Variants in BNC2 observed in about 807,000 individuals in gnomAD.
BNC2 encodes the protein basonuclin zinc finger protein 2.
Under a neutral mutation model 76.3 loss-of-function variants are expected in BNC2, and 20 were observed. The ratio of observed to expected loss-of-function variants is 0.26; its 90% CI spans 0.18 to 0.38. BNC2 has a LOEUF of 0.38. Ranked by LOEUF, BNC2 falls within the 10% of genes least tolerant of loss-of-function variation. The probability of loss-of-function intolerance (pLI) is 1.00; values close to 1 mark genes in which losing one functional copy is unlikely to be tolerated. For synonymous variants in BNC2, 582 were observed against 514.8 expected (o/e 1.13, Z -1.77); for missense variants, 1,382 against 1,399.8 (o/e 0.99, Z 0.20).
rs1205074714 is a variant in BNC2, at chr9:16,552,131, T to C, written c.669+399A>G. On this transcript the variant is annotated intron_variant, in intron 5 of 6. Transcript: ENST00000380672. ...CAAGAAAAACACCGTACCTGCAAAC[T>C]GAGTATGAGAAAAAGCCCTAATAAA... Among the ~76,000 whole-genome samples, 9 of 152,090 alleles carry C rather than the reference T, an allele frequency of 5.9e-5. 1 individual carries two copies. The South Asian group carries it at 1.5e-3, about 25-fold the overall frequency.
At chr9:16,613,694 C>G (rs1359781475) in intron 3 of BNC2, among the ~76,000 whole-genome samples, 1 of 152,176 alleles carries the variant, frequency 6.6e-6, no homozygotes, top group Non-Finnish European at 1.5e-5. Flanking sequence ...TTGGGCGCCC[C>G]TGCATCCTTG....
chr9:16,422,215 C>T (rs1384118371), intron 6 of BNC2, among the ~76,000 whole-genome samples: 1 of 152,140 alleles, frequency 6.6e-6, no homozygotes, highest in East Asian at 1.9e-4. Context: ...ATGTACCAGC[C>T]CTCAATATCT....
chr9:16,510,888 C>G (rs775981001), intron 5 of BNC2, among the ~76,000 whole-genome samples: 1 of 152,270 alleles, frequency 6.6e-6, no homozygotes, highest in Non-Finnish European at 1.5e-5. Context: ...CGAGATTTTA[C>G]ATGGGCAAAA....
intron 6 of BNC2, among the ~76,000 whole-genome samples, chr9:16,430,169 A>C (rs559789646): frequency 6.6e-6 from 1 of 151,922 alleles, no homozygotes; most frequent in South Asian, 2.1e-4. Context: ...ATCTTGCTCT[A>C]TTGTGAAACC....
At chr9:16,655,541 C>T (rs1298181977) in intron 3 of BNC2, among the ~76,000 whole-genome samples, 2 of 152,044 alleles carry the variant, frequency 1.3e-5, no homozygotes, top group Non-Finnish European at 2.9e-5. Flanking sequence ...CTATTTCATC[C>T]AGGAATAAAA....
intron 1 of BNC2, among the ~76,000 whole-genome samples, chr9:16,745,625 T>C (rs778430302): frequency 1.3e-5 from 2 of 152,214 alleles, no homozygotes; most frequent in African/African-American, 2.4e-5. Flanking sequence ...TTAGCATATA[T>C]GGAGAGTTCA....
In BNC2 at chr9:16,784,490, T is replaced by C. The variant is rs77705571; in HGVS notation, c.4-46005A>G. 5.5e-3 allele frequency among the ~76,000 whole-genome samples: 843 copies of C among 152,152 alleles called. 15 individuals carry two copies. Among genetic ancestry groups the C allele is most frequent in the African/African-American group, 0.019 (808 of 41,484 alleles). On this transcript the variant is annotated intron_variant, in intron 1 of 6. Transcript: ENST00000380672. ...AATAAGAGGTATTCCTGGGAAACAA[T>C]ATGGATAGGACACAATATCAAAAGA...
chr9:16,818,659 CT>C (rs1818242089), intron 1 of BNC2, among the ~76,000 whole-genome samples: 1 of 152,078 alleles, frequency 6.6e-6, no homozygotes. Context: ...CAGACTAGAT[CT>C]ATGAATTTTA....
intron 5 of BNC2, among the ~76,000 whole-genome samples, chr9:16,477,972 G>T (rs2131462763): frequency 6.6e-6 from 1 of 152,204 alleles, no homozygotes; most frequent in African/African-American, 2.4e-5. Flanking sequence ...CTTAGAAAAA[G>T]ACTTGAGCGG....
At chr9:16,864,678 G>T (rs906916044) in intron 1 of BNC2, among the ~76,000 whole-genome samples, 12 of 152,158 alleles carry the variant, frequency 7.9e-5, no homozygotes, top group Admixed American at 6.6e-4. Context: ...ACATGTCCTT[G>T]ACATGCACAG....
At chr9:16,473,150 T>C (rs973338521) in intron 5 of BNC2, 1 of 152,258 alleles carries the variant, frequency 6.6e-6, no homozygotes, top group Non-Finnish European at 1.5e-5. Flanking sequence ...AAATGGCACT[T>C]GTCACAGTGG....
At chr9:16,784,022 G>A (rs1284837780) in intron 1 of BNC2, among the ~76,000 whole-genome samples, 1 of 152,158 alleles carries the variant, frequency 6.6e-6, no homozygotes, top group Non-Finnish European at 1.5e-5. Context: ...GATTTTTCCA[G>A]TGAATTTGGG....
Position 16,419,477 on chromosome 9 carries a change from G to A in BNC2, c.2812C>T (p.Pro938Ser), listed in dbSNP as rs766109513. ...GLDVREDASS[P>S]AGTEDSHLNG... is the part of the protein sequence containing the mutation. ...AGGTGGGAGTCTTCAGTCCCTGCGG[G>A]AGAGGAGGCGTCTTCCCTGACATCG... Residue 938 changes from proline to serine, a missense_variant, in exon 7 of 7, where the codon CCC becomes TCC. Physicochemically the swap from Pro to Ser is moderately conservative, Grantham distance 74. Coordinates refer to ENST00000380672, the MANE Select transcript of BNC2 (RefSeq NM_017637.6). 6.2e-7 allele frequency: 1 copy of A among 1,614,108 alleles called. No homozygotes were observed. The highest frequency in any genetic ancestry group is 8.5e-7 in the Non-Finnish European group (1 of 1,180,000).
chr9:16,426,321 C>T (rs1820803256), intron 6 of BNC2, among the ~76,000 whole-genome samples: 1 of 140,974 alleles, frequency 7.1e-6, no homozygotes, highest in Non-Finnish European at 1.5e-5. Flanking sequence ...GCCACCATGC[C>T]CAGCTTTTTT....
At chr9:16,634,459 C>A (rs1376467482) in intron 3 of BNC2, among the ~76,000 whole-genome samples, 1 of 151,622 alleles carries the variant, frequency 6.6e-6, no homozygotes, top group Non-Finnish European at 1.5e-5. Context: ...TAAGAGTAAC[C>A]TCTTAGTCAC....
At chr9:16,780,243 A>AAAAAAAAAAC (rs1826103550) in intron 1 of BNC2, among the ~76,000 whole-genome samples, 1 of 111,214 alleles carries the variant, frequency 9.0e-6, no homozygotes, top group Admixed American at 9.9e-5. Context: ...TTCAAAAAAA[A>AAAAAAAAAAC]AAAAAAAAAA....
At chr9:16,579,431 C>T (rs988497444) in intron 4 of BNC2, among the ~76,000 whole-genome samples, 3 of 152,048 alleles carry the variant, frequency 2.0e-5, no homozygotes, top group South Asian at 2.1e-4. Flanking sequence ...CGAGAGCACA[C>T]GCAAACACAC....
At chr9:16,786,814 T>C (rs1004841725) in intron 1 of BNC2, among the ~76,000 whole-genome samples, 1 of 152,072 alleles carries the variant, frequency 6.6e-6, no homozygotes, top group African/African-American at 2.4e-5. Flanking sequence ...AGGTCATTGA[T>C]CTGCGGCACA....
intron 5 of BNC2, among the ~76,000 whole-genome samples, chr9:16,503,269 G>A (rs1228689485): frequency 6.6e-6 from 1 of 152,120 alleles, no homozygotes; most frequent in Admixed American, 6.6e-5. Flanking sequence ...AGCCAAGAAC[G>A]AGGATATTTT....
Sources: allele counts gnomAD v4.1 joint callset (sites outside exome capture counted in the v4.1 genomes callset), GRCh38; gene constraint gnomAD v4.1.1; transcripts MANE v1.5; gene names NCBI Gene and HGNC (gene_info 2026-07-23, HGNC 2026-07-21).